DNAH11: variants seen among roughly 807,000 people sequenced by gnomAD.
DNAH11 encodes axonemal beta dynein heavy chain 11.
In DNAH11, 442 loss-of-function variants were observed where a neutral mutation model predicts 526.0. The observed-to-expected ratio is 0.84, with a 90% CI of 0.78 to 0.91. The LOEUF (loss-of-function observed/expected upper bound fraction) is 0.91, where lower values mean the gene tolerates loss of function less well. Among genes scored for constraint, DNAH11 ranks in the 40% least tolerant of loss-of-function variants. The pLI is 0.00. For missense variants in DNAH11, 6,989 were observed against 5,448.7 expected (o/e 1.28, Z -8.90); for synonymous variants, 2,461 against 1,935.9 (o/e 1.27, Z -7.12).
intron 26 of DNAH11, 61 bp downstream of exon 26, chr7:21,636,156 A>T: frequency 7.2e-7 from 1 of 1,380,592 alleles, no homozygotes; most frequent in Non-Finnish European, 9.8e-7. Context: ...CATGGTTTTG[A>T]GCATCGTATT....
chr7:21,828,256 T>C (rs866864719), intron 65 of DNAH11, among the ~76,000 whole-genome samples: 2 of 152,166 alleles, frequency 1.3e-5, no homozygotes, highest in Admixed American at 1.3e-4. Flanking sequence ...GCCTAGCTTA[T>C]GGATTTTAAA....
At chr7:21,726,955 A>G (rs1277581809) in intron 45 of DNAH11, among the ~76,000 whole-genome samples, 1 of 2,882 alleles carries the variant, frequency 3.5e-4, no homozygotes. Context: ...TTTTTTTGAG[A>G]TGGAGTCTCG....
At chr7:21,561,228 C>G in intron 5 of DNAH11, 58 bp downstream of exon 5, 1 of 1,284,460 alleles carries the variant, frequency 7.8e-7, no homozygotes, top group Non-Finnish European at 1.1e-6. Context: ...TGATCCAGCC[C>G]CTGCCTGCTC....
chr7:21,897,694 C>T (rs530927927), intron 79 of DNAH11, among the ~76,000 whole-genome samples: 1 of 152,338 alleles, frequency 6.6e-6, no homozygotes, highest in East Asian at 1.9e-4. Context: ...CAGCTCACTG[C>T]AACCTCTGCC....
intron 54 of DNAH11, among the ~76,000 whole-genome samples, chr7:21,761,902 G>A (rs1309054156): frequency 1.3e-5 from 2 of 152,098 alleles, no homozygotes; most frequent in Non-Finnish European, 2.9e-5. Context: ...GCCCGAGACT[G>A]GATAATTTAT....
chr7:21,895,006 T>G lies in DNAH11; in HGVS notation c.13049+7T>G. 1 of 1,611,814 alleles carries G rather than the reference T, an allele frequency of 6.2e-7. No homozygotes were observed. Among genetic ancestry groups the G allele is most frequent in the Non-Finnish European group, 8.5e-7 (1 of 1,178,120 alleles). ...CTTATGGCCTAGCCCAGTGGTAAGC[T>G]ACCCCATCCTCACTGCCACTGGCCC... On this transcript the variant is annotated splice_region_variant and intron_variant, in intron 79 of 81. Coordinates refer to ENST00000409508, the MANE Select transcript of DNAH11 (RefSeq NM_001277115.2).
At chr7:21,718,189 A>ATTT (rs60132685) in intron 43 of DNAH11, among the ~76,000 whole-genome samples, 10 of 150,622 alleles carry the variant, frequency 6.6e-5, no homozygotes, top group African/African-American at 2.0e-4. Context: ...TGTTTTACTG[A>ATTT]TTTTTTTTTA....
Position 21,901,152 on chromosome 7 carries a change from C to G in DNAH11, c.13449C>G (p.Thr4483=). Residue 4483 remains threonine, a synonymous_variant, in exon 82 of 82, where the codon ACC becomes ACG. Coordinates refer to ENST00000409508, the MANE Select transcript of DNAH11 (RefSeq NM_001277115.2). ...CCTACGAGTGCCCTGTGTATAGAAC[C>G]AAACTGAGAGGCCCCAGCTACATCT... The part of the protein sequence containing the change: ...KQTYECPVYR[T]KLRGPSYIWT... 2 of 1,612,924 alleles carry G rather than the reference C, an allele frequency of 1.2e-6. No homozygotes were observed. Among genetic ancestry groups the G allele is most frequent in the South Asian group, 2.2e-5 (2 of 91,056 alleles).
chr7:21,595,301 T>C (rs2128445138), intron 14 of DNAH11, among the ~76,000 whole-genome samples: 1 of 152,274 alleles, frequency 6.6e-6, no homozygotes, highest in Admixed American at 6.5e-5. Flanking sequence ...CCTAAACCCC[T>C]CCTCATAATA....
chr7:21,574,564 C>CTTT (rs35535321), intron 8 of DNAH11, among the ~76,000 whole-genome samples: 13 of 123,846 alleles, frequency 1.0e-4, no homozygotes, highest in African/African-American at 2.6e-4. Flanking sequence ...CCCTTCCTTC[C>CTTT]TTTTTTTTTT....
At chr7:21,790,344 G>A (rs1297059257) in intron 61 of DNAH11, among the ~76,000 whole-genome samples, 5 of 152,038 alleles carry the variant, frequency 3.3e-5, no homozygotes, top group African/African-American at 1.2e-4. Flanking sequence ...CAGCTACTCA[G>A]GAGGCTGAGG....
At chr7:21,651,082 G>A (rs1189848807) in intron 28 of DNAH11, among the ~76,000 whole-genome samples, 1 of 151,870 alleles carries the variant, frequency 6.6e-6, no homozygotes, top group African/African-American at 2.4e-5. Flanking sequence ...GACCAGGGCT[G>A]CCCATATTTT....
At chr7:21,678,537 G>A (rs1377261718) in intron 30 of DNAH11, among the ~76,000 whole-genome samples, 1 of 151,506 alleles carries the variant, frequency 6.6e-6, no homozygotes, top group Non-Finnish European at 1.5e-5. Context: ...GCTATTCAGG[G>A]TCCTTGGTGA....
rs59447021 is a variant in DNAH11 at position 21,683,955 on chromosome 7, A to T, written c.5621+11A>T. 0.21 allele frequency: 332,064 copies of T among 1,611,360 alleles called. 34,984 individuals carry two copies. Among genetic ancestry groups the T allele is most frequent in the African/African-American group, 0.3 (22,254 of 74,874 alleles). ...TCCTCTAACTGACAGGTAACAATTC[A>T]AAGTTTCCGTCCAGATAGGAAAAAC... On this transcript the variant is annotated intron_variant, in intron 32 of 81. Transcript: ENST00000409508.
chr7:21,884,441 A>T (rs1583810561), intron 76 of DNAH11, 31 bp downstream of exon 76: 1 of 1,578,864 alleles, frequency 6.3e-7, no homozygotes, highest in African/African-American at 1.4e-5. Context: ...TTTGTAAATA[A>T]ATTTCACTGA....
chr7:21,712,427 A>C (rs920418250), intron 42 of DNAH11, among the ~76,000 whole-genome samples: 1 of 152,142 alleles, frequency 6.6e-6, no homozygotes, highest in Admixed American at 6.5e-5. Flanking sequence ...GTTAATTCTA[A>C]TTTTAATTTT....
intron 18 of DNAH11, among the ~76,000 whole-genome samples, chr7:21,604,999 C>A (rs1027937253): frequency 6.6e-6 from 1 of 152,178 alleles, no homozygotes; most frequent in African/African-American, 2.4e-5. Flanking sequence ...CAAATTGTCT[C>A]CCAACTGTTT....
intron 74 of DNAH11, among the ~76,000 whole-genome samples, chr7:21,876,040 T>C (rs1165000939): frequency 1.3e-5 from 2 of 152,028 alleles, no homozygotes; most frequent in Non-Finnish European, 2.9e-5. Flanking sequence ...CCTGCCACCA[T>C]GCACGGCTAA....
At chr7:21,752,803 C>T (rs1786469306) in intron 54 of DNAH11, among the ~76,000 whole-genome samples, 1 of 152,164 alleles carries the variant, frequency 6.6e-6, no homozygotes, top group Non-Finnish European at 1.5e-5. Flanking sequence ...GCCTCTGCCT[C>T]CTGGGTTCAA....
Sources: gnomAD v4.1 joint callset for allele counts (sites outside exome capture counted in the v4.1 genomes callset) on GRCh38, gnomAD v4.1.1 for gene constraint, MANE v1.5 for transcripts, NCBI Gene and HGNC (gene_info 2026-07-23, HGNC 2026-07-21) for gene names.